CNTNAP2: variants seen among roughly 807,000 people sequenced by gnomAD.
CNTNAP2 encodes contactin-associated protein-like 2.
CNTNAP2 carries 98 observed loss-of-function variants against 155.2 expected under a neutral mutation model. The ratio of observed to expected loss-of-function variants is 0.63; its 90% CI spans 0.54 to 0.75. The LOEUF (loss-of-function observed/expected upper bound fraction) is 0.75. CNTNAP2 is among the 30% of genes least tolerant of loss of function. The pLI, the probability that CNTNAP2 is intolerant of heterozygous loss-of-function variation, is 0.00. For synonymous variants in CNTNAP2, 651 were observed against 631.2 expected (o/e 1.03, Z -0.47); for missense variants, 1,727 against 1,688.1 (o/e 1.02, Z -0.40).
intron 1 of CNTNAP2, among the ~76,000 whole-genome samples, chr7:146,279,933 G>A (rs1584844902): frequency 6.6e-6 from 1 of 151,566 alleles, no homozygotes; most frequent in South Asian, 2.1e-4. Flanking sequence ...ATAAGTGAAA[G>A]GAACTGTAGA....
At chr7:147,054,734 A>C (rs943441637) in intron 4 of CNTNAP2, among the ~76,000 whole-genome samples, 3 of 152,172 alleles carry the variant, frequency 2.0e-5, no homozygotes, top group Non-Finnish European at 2.9e-5. Flanking sequence ...TAAAATAATT[A>C]TTTAGTATGC....
At chr7:147,800,874 C>T (rs931854716) in intron 13 of CNTNAP2, among the ~76,000 whole-genome samples, 4 of 152,124 alleles carry the variant, frequency 2.6e-5, no homozygotes, top group Non-Finnish European at 5.9e-5. Flanking sequence ...GTCACATTTG[C>T]CTGCAGTATT....
intron 11 of CNTNAP2, among the ~76,000 whole-genome samples, chr7:147,496,130 G>A (rs1584771089): frequency 6.6e-6 from 1 of 152,282 alleles, no homozygotes; most frequent in East Asian, 1.9e-4. Context: ...ATTATGGTGA[G>A]TTGTATGATT....
chr7:147,579,497 G>C (rs1309798623), intron 12 of CNTNAP2, among the ~76,000 whole-genome samples: 2 of 152,022 alleles, frequency 1.3e-5, no homozygotes, highest in African/African-American at 4.8e-5. Flanking sequence ...CAGAGACATT[G>C]AATTATTGAA....
chr7:147,472,466 A>C (rs1798242197), intron 10 of CNTNAP2, among the ~76,000 whole-genome samples: 1 of 151,470 alleles, frequency 6.6e-6, no homozygotes. Flanking sequence ...ACCGACCTCC[A>C]CCTCCCAAAG....
At chr7:148,131,350 A>G (rs568640261) in intron 16 of CNTNAP2, among the ~76,000 whole-genome samples, 1 of 151,918 alleles carries the variant, frequency 6.6e-6, no homozygotes, top group East Asian at 1.9e-4. Flanking sequence ...GCCTGCCTTG[A>G]CCTACCAAAG....
In CNTNAP2 at chr7:146,916,452, C is replaced by A. The variant is rs899377281; in HGVS notation, c.402+76548C>A. Among the ~76,000 whole-genome samples, 67 of 152,124 alleles carry A rather than the reference C, an allele frequency of 4.4e-4. 1 individual carries two copies. Among genetic ancestry groups the A allele is most frequent in the Admixed American group, 3.3e-3 (51 of 15,270 alleles). ...GAATTCAACTGTTAATCTATCTGGT[C>A]CTGGACTTTTGTTGTTGTTGATGAT... On this transcript the variant is annotated intron_variant, in intron 3 of 23. Transcript: ENST00000361727.
intron 2 of CNTNAP2, among the ~76,000 whole-genome samples, chr7:146,781,487 C>G (rs1033434391): frequency 1.3e-5 from 2 of 152,110 alleles, no homozygotes; most frequent in African/African-American, 4.8e-5. Flanking sequence ...TCACTGTAGG[C>G]TGGTGTCATT....
chr7:146,635,726 G>T (rs538771941), intron 1 of CNTNAP2, among the ~76,000 whole-genome samples: 1 of 151,976 alleles, frequency 6.6e-6, no homozygotes, highest in Non-Finnish European at 1.5e-5. Context: ...TGAAGTGGAT[G>T]ATATAAGAAG....
intron 9 of CNTNAP2, among the ~76,000 whole-genome samples, chr7:147,369,306 G>T (rs1796300879): frequency 1.3e-5 from 2 of 152,164 alleles, no homozygotes; most frequent in South Asian, 4.1e-4. Context: ...ACCATGTCCA[G>T]AACCAAACTC....
intron 1 of CNTNAP2, among the ~76,000 whole-genome samples, chr7:146,547,893 C>G (rs1798053330): frequency 1.3e-5 from 2 of 151,370 alleles, no homozygotes; most frequent in South Asian, 4.2e-4. Flanking sequence ...AGCAGCTGCA[C>G]CATTTTGCAT....
chr7:146,856,547 AG>A (rs1794992886), intron 3 of CNTNAP2, among the ~76,000 whole-genome samples: 1 of 152,188 alleles, frequency 6.6e-6, no homozygotes, highest in Non-Finnish European at 1.5e-5. Context: ...GATGGGGAGA[AG>A]TAAATTTGTA....
intron 1 of CNTNAP2, among the ~76,000 whole-genome samples, chr7:146,180,856 G>T (rs1798539725): frequency 6.6e-6 from 1 of 152,174 alleles, no homozygotes; most frequent in South Asian, 2.1e-4. Flanking sequence ...AAGTAAGTTT[G>T]TCGTGGTTCA....
chr7:147,116,055 T>C (rs547763761), intron 5 of CNTNAP2, among the ~76,000 whole-genome samples: 2 of 152,286 alleles, frequency 1.3e-5, no homozygotes, highest in East Asian at 3.9e-4. Flanking sequence ...TGTAGAAGTC[T>C]GGCCACTCAT....
intron 13 of CNTNAP2, among the ~76,000 whole-genome samples, chr7:147,647,947 CATT>C (rs1303908359): frequency 6.6e-6 from 1 of 152,108 alleles, no homozygotes; most frequent in Non-Finnish European, 1.5e-5. Flanking sequence ...CATCCCCTGT[CATT>C]ATCTGTTGGG....
intron 13 of CNTNAP2, among the ~76,000 whole-genome samples, chr7:147,762,148 CTCTG>C (rs1338797086): frequency 1.5e-5 from 2 of 136,176 alleles, no homozygotes; most frequent in African/African-American, 6.4e-5. Context: ...CTCTCTCTCT[CTCTG>C]TCTCACACAC....
intron 1 of CNTNAP2, among the ~76,000 whole-genome samples, chr7:146,628,642 AAAG>A (rs1400248192): frequency 6.6e-6 from 1 of 152,110 alleles, no homozygotes; most frequent in African/African-American, 2.4e-5. Flanking sequence ...AAAAATGAAA[AAAG>A]AAAACTATGA....
chr7:148,242,193 T>G (rs1406603), intron 20 of CNTNAP2, among the ~76,000 whole-genome samples: 101,168 of 152,134 alleles, frequency 0.66, 35,130 homozygotes, highest in East Asian at 0.93. Flanking sequence ...AAAATCACTC[T>G]CAAAGATTGT....
intron 15 of CNTNAP2, among the ~76,000 whole-genome samples, chr7:148,007,431 G>A (rs1802001094): frequency 6.6e-6 from 1 of 152,144 alleles, no homozygotes; most frequent in African/African-American, 2.4e-5. Context: ...TGTCTTATAA[G>A]CTACACTGCA....
Sources: gnomAD v4.1 joint callset for allele counts (sites outside exome capture counted in the v4.1 genomes callset) on GRCh38, gnomAD v4.1.1 for gene constraint, MANE v1.5 for transcripts, NCBI Gene and HGNC (gene_info 2026-07-23, HGNC 2026-07-21) for gene names.